Variants in COL5A2 observed in about 807,000 individuals in gnomAD.
The protein encoded by COL5A2 is collagen alpha-2(V) chain.
A neutral mutation model predicts 208.2 loss-of-function variants in COL5A2; 23 were observed. The ratio of observed to expected loss-of-function variants is 0.11; its 90% CI spans 0.08 to 0.16. The LOEUF (loss-of-function observed/expected upper bound fraction) is 0.16, where lower values mean the gene tolerates loss of function less well. Among genes scored for constraint, COL5A2 ranks in the 10% least tolerant of loss-of-function variants. The pLI is 1.00. For missense variants in COL5A2, 1,590 were observed against 1,956.4 expected (o/e 0.81, Z 3.53); for synonymous variants, 625 against 628.5 (o/e 0.99, Z 0.08).
the COL5A2 span, among the ~76,000 whole-genome samples, chr2:189,243,562 C>G: frequency 6.6e-6 from 1 of 152,142 alleles, no homozygotes; most frequent in Non-Finnish European, 1.5e-5. Context: ...CTACCTCCCA[C>G]TGGGTCCCTC....
At chr2:189,067,053 G>A (rs1686171085) in intron 21 of COL5A2, among the ~76,000 whole-genome samples, 1 of 152,122 alleles carries the variant, frequency 6.6e-6, no homozygotes, top group Non-Finnish European at 1.5e-5. Context: ...ATGTGTAGTA[G>A]AATAAATAGA....
chr2:189,359,778 T>G, the COL5A2 span, among the ~76,000 whole-genome samples: 2 of 152,198 alleles, frequency 1.3e-5, no homozygotes, highest in African/African-American at 4.8e-5. Context: ...TTCTATTTTT[T>G]TCATGGTTCA....
At chr2:189,436,443 G>A in the COL5A2 span, among the ~76,000 whole-genome samples, 1 of 152,178 alleles carries the variant, frequency 6.6e-6, no homozygotes, top group South Asian at 2.1e-4. Context: ...GTTAATGGGT[G>A]CAGCACACCA....
At chr2:189,151,077 T>C (rs1688132648) in intron 1 of COL5A2, among the ~76,000 whole-genome samples, 1 of 152,138 alleles carries the variant, frequency 6.6e-6, no homozygotes, top group Non-Finnish European at 1.5e-5. Context: ...TTATTATTCT[T>C]TCTACCATAA....
At chr2:189,415,964 G>A in the COL5A2 span, among the ~76,000 whole-genome samples, 1 of 152,116 alleles carries the variant, frequency 6.6e-6, no homozygotes, top group Admixed American at 6.6e-5. Flanking sequence ...CTGGCCAATG[G>A]AATATATTTT....
chr2:189,227,426 G>A (rs1261174849), upstream of COL5A2, among the ~76,000 whole-genome samples: 1 of 152,032 alleles, frequency 6.6e-6, no homozygotes, highest in Admixed American at 6.6e-5. Flanking sequence ...AAAATACAAA[G>A]TGGCTGAATA....
chr2:189,340,809 T>C, the COL5A2 span, among the ~76,000 whole-genome samples: 5 of 152,186 alleles, frequency 3.3e-5, no homozygotes, highest in Admixed American at 3.3e-4. Context: ...CAGTGCCATT[T>C]GCAGACCCAG....
chr2:189,353,241 CT>C, the COL5A2 span, among the ~76,000 whole-genome samples: 2 of 152,106 alleles, frequency 1.3e-5, no homozygotes, highest in Non-Finnish European at 2.9e-5. Context: ...CAGCTTTGTT[CT>C]TTTTGCTTAG....
chr2:189,332,679 C>T, the COL5A2 span, among the ~76,000 whole-genome samples: 3 of 152,206 alleles, frequency 2.0e-5, no homozygotes, highest in African/African-American at 7.2e-5. Context: ...GATGATGAGG[C>T]CTCCCCAGCC....
At chr2:189,218,415 A>T (rs1356161) in intron 1 of COL5A2, among the ~76,000 whole-genome samples, 112,558 of 152,004 alleles carry the variant, frequency 0.74, 44,145 homozygotes, top group Non-Finnish European at 0.87. Flanking sequence ...ACTGGGAAAC[A>T]CAAACGGTTA....
the COL5A2 span, among the ~76,000 whole-genome samples, chr2:189,437,102 G>C: frequency 1.3e-5 from 2 of 152,148 alleles, no homozygotes; most frequent in African/African-American, 4.8e-5. Context: ...CAGCGCTACT[G>C]ATTATAAGCA....
chr2:189,150,010 A>T (rs1688114217), intron 1 of COL5A2, among the ~76,000 whole-genome samples: 1 of 152,196 alleles, frequency 6.6e-6, no homozygotes, highest in Non-Finnish European at 1.5e-5. Flanking sequence ...CAAGGGCTTT[A>T]AAATCTCTCT....
At chr2:189,291,923 T>A in the COL5A2 span, among the ~76,000 whole-genome samples, 9 of 152,190 alleles carry the variant, frequency 5.9e-5, no homozygotes, top group African/African-American at 1.7e-4. Flanking sequence ...TATTTTTGGA[T>A]TTTCTCTATG....
the COL5A2 span, among the ~76,000 whole-genome samples, chr2:189,367,037 A>G: frequency 6.6e-6 from 1 of 152,174 alleles, no homozygotes; most frequent in Non-Finnish European, 1.5e-5. Context: ...AATCTAGCGC[A>G]TAGGAAAACA....
the COL5A2 span, among the ~76,000 whole-genome samples, chr2:189,361,399 C>T: frequency 6.6e-6 from 1 of 151,984 alleles, no homozygotes; most frequent in Admixed American, 6.6e-5. Context: ...GACTAAAAGC[C>T]TATTTTATCT....
At chr2:189,122,223 T>C (rs902899964) in intron 1 of COL5A2, among the ~76,000 whole-genome samples, 1 of 152,212 alleles carries the variant, frequency 6.6e-6, no homozygotes, top group Non-Finnish European at 1.5e-5. Context: ...AGATACGAGG[T>C]TTGAGAATTA....
chr2:189,118,785 T>G (rs548682134), intron 1 of COL5A2, among the ~76,000 whole-genome samples: 1 of 152,272 alleles, frequency 6.6e-6, no homozygotes, highest in African/African-American at 2.4e-5. Context: ...TGAATTAGTA[T>G]TCAGTTTTGT....
In COL5A2 at chr2:189,032,598, G is replaced by A. The variant is rs2153505708; in HGVS notation, c.*1472C>T. 1 of 152,082 alleles carries A rather than the reference G, an allele frequency of 6.6e-6. No individual in the cohort carries two copies. Among genetic ancestry groups the A allele is most frequent in the Middle Eastern group, 3.4e-3 (1 of 292 alleles). The allele number at this position is 152,082 out of a possible 1,614,324, so 9.4% of individuals were successfully genotyped here. ...TATGCATGGCTTGTCTTTTGGGATG[G>A]TCCCAGCTGTTTATTTTAAAAGAAA... On this transcript the variant is annotated 3_prime_UTR_variant, in exon 54 of 54. Coordinates refer to ENST00000374866, the MANE Select transcript of COL5A2 (RefSeq NM_000393.5).
At chr2:189,067,016 T>C (rs1042958443) in intron 21 of COL5A2, among the ~76,000 whole-genome samples, 1 of 152,158 alleles carries the variant, frequency 6.6e-6, no homozygotes, top group Admixed American at 6.5e-5. Context: ...CTTTAAGAGA[T>C]TTATTTTTAA....
Sources: gnomAD v4.1 joint callset for allele counts (sites outside exome capture counted in the v4.1 genomes callset) on GRCh38, gnomAD v4.1.1 for gene constraint, MANE v1.5 for transcripts, NCBI Gene and HGNC (gene_info 2026-07-23, HGNC 2026-07-21) for gene names.